The following TECPR2 variants were observed in gnomAD, a reference collection of about 807,000 sequenced individuals.
TECPR2 encodes tectonin beta-propeller repeat containing 2.
A neutral mutation model predicts 138.1 loss-of-function variants in TECPR2; 65 were observed. That is an observed-to-expected ratio of 0.47 (90% CI 0.39 to 0.58). The LOEUF (loss-of-function observed/expected upper bound fraction) is 0.58. Among genes scored for constraint, TECPR2 ranks in the 20% least tolerant of loss-of-function variants. The pLI, the probability that TECPR2 is intolerant of heterozygous loss-of-function variation, is 0.00. For synonymous variants in TECPR2, 746 were observed against 749.8 expected (o/e 0.99, Z 0.08); for missense variants, 1,553 against 1,824.5 (o/e 0.85, Z 2.71).
chr14:102,381,074 C>T (rs1887800831), intron 2 of TECPR2, among the ~76,000 whole-genome samples: 1 of 151,806 alleles, frequency 6.6e-6, no homozygotes, highest in South Asian at 2.1e-4. Context: ...GATTCTCCTG[C>T]CTCAGCCTCC....
chr14:102,448,840 C>T (rs1890059696), intron 13 of TECPR2, among the ~76,000 whole-genome samples: 1 of 152,064 alleles, frequency 6.6e-6, no homozygotes, highest in East Asian at 1.9e-4. Flanking sequence ...GCACTCCAGC[C>T]TGGGTGGCAG....
At chr14:102,383,588 A>G (rs1166258757) in intron 2 of TECPR2, among the ~76,000 whole-genome samples, 1 of 151,676 alleles carries the variant, frequency 6.6e-6, no homozygotes, top group Non-Finnish European at 1.5e-5. Context: ...TTGTATTTTT[A>G]GTAGAGACAG....
chr14:102,469,009 C>T (rs549969017), intron 17 of TECPR2, among the ~76,000 whole-genome samples: 25 of 152,204 alleles, frequency 1.6e-4, no homozygotes, highest in Middle Eastern at 6.8e-3. Context: ...TTAGCTTTGT[C>T]GTAAATTTTG....
intron 17 of TECPR2, among the ~76,000 whole-genome samples, chr14:102,479,810 T>C (rs1023484520): frequency 4.6e-5 from 7 of 152,214 alleles, no homozygotes. Context: ...CTTGTATGCA[T>C]GATACTGCAA....
intron 15 of TECPR2, 79 bp from the exon 16 acceptor site, chr14:102,452,315 C>A: frequency 6.9e-7 from 1 of 1,445,706 alleles, no homozygotes. Context: ...TGCTGAAAGG[C>A]AAAGGCTGCC....
intron 4 of TECPR2, among the ~76,000 whole-genome samples, chr14:102,413,152 G>T (rs1254439926): frequency 6.6e-6 from 1 of 151,964 alleles, no homozygotes; most frequent in Non-Finnish European, 1.5e-5. Context: ...TGATTTTGGT[G>T]TTGGTTACAT....
At chr14:102,442,257 G>A (rs1253071672) in intron 11 of TECPR2, among the ~76,000 whole-genome samples, 4 of 152,202 alleles carry the variant, frequency 2.6e-5, no homozygotes, top group African/African-American at 7.2e-5. Context: ...CATTATAGGC[G>A]TGAGCCACCG....
intron 16 of TECPR2, among the ~76,000 whole-genome samples, chr14:102,456,590 C>CTTTT (rs532308547): frequency 7.2e-6 from 1 of 138,168 alleles, no homozygotes; most frequent in African/African-American, 2.7e-5. Context: ...CCCTCTCGCT[C>CTTTT]TTTTTTTTTT....
chr14:102,498,874 A>ACACCT lies in TECPR2; in HGVS notation c.*626_*630dup. ...GCACATGCACACCACAACACACAAC[A>ACACCT]CACCTCACCTCACACCACAGCACAC... On this transcript the variant is annotated 3_prime_UTR_variant, in exon 20 of 20. Transcript: ENST00000359520. 1 of 663,566 alleles carries ACACCT rather than the reference A, an allele frequency of 1.5e-6. No individual in the cohort carries two copies. Among genetic ancestry groups the ACACCT allele is most frequent in the South Asian group, 1.5e-5 (1 of 66,278 alleles). The allele number at this position is 663,566 out of a possible 1,614,324, so 41.1% of individuals were successfully genotyped here.
rs1199718437 is a variant in TECPR2 at position 102,419,995 on chromosome 14, T to C, written c.639-4984T>C. On this transcript the variant is annotated intron_variant, in intron 5 of 19. Transcript: ENST00000359520. The surrounding 1 kb of genome is among the most constrained non-coding windows in gnomAD (Gnocchi z 4.8). ...TTGGATGGCCAGTGGGTGTTAGCTG[T>C]TGAGATCTCTGGCAGGGCTTCTGTG... Among the ~76,000 whole-genome samples the C allele has an allele frequency of 6.6e-6, 1 of 152,172 alleles. No individual in the cohort carries two copies. The highest frequency in any genetic ancestry group is 2.4e-5 in the African/African-American group (1 of 41,440).
chr14:102,407,327 C>A lies in TECPR2; in HGVS notation c.220-11C>A. On this transcript the variant is annotated splice_polypyrimidine_tract_variant and intron_variant, in intron 2 of 19. Coordinates refer to ENST00000359520, the MANE Select transcript of TECPR2 (RefSeq NM_014844.5). ...TAGTTACAGATTCATTTGTTTTCAA[C>A]GTTTCCCCAGGGGAAGACGGAATCT... 1 of 1,586,400 alleles carries A rather than the reference C, an allele frequency of 6.3e-7. No homozygotes were observed. The highest frequency in any genetic ancestry group is 8.6e-7 in the Non-Finnish European group (1 of 1,169,054).
Position 102,425,261 on chromosome 14 carries a change from T to C in TECPR2, c.921T>C (p.Tyr307=). 1.2e-6 allele frequency: 2 copies of C among 1,608,468 alleles called. No homozygotes were observed. The highest frequency in any genetic ancestry group is 1.7e-6 in the Non-Finnish European group (2 of 1,176,612). ...GCTGGGTGCTGAGTTGGAATGAATA[T>C]AGTATCTATCTCCTAGACACAGTCA... The part of the protein sequence containing the change: ...QEGWVLSWNE[Y]SIYLLDTVNQ... The change falls in exon 6 of 20, where the codon TAT becomes TAC. Residue 307 remains tyrosine, a synonymous_variant. Coordinates refer to ENST00000359520, the MANE Select transcript of TECPR2 (RefSeq NM_014844.5).
intron 1 of TECPR2, among the ~76,000 whole-genome samples, chr14:102,364,518 A>G (rs1232965713): frequency 1.3e-5 from 2 of 152,194 alleles, no homozygotes; most frequent in Non-Finnish European, 2.9e-5. Flanking sequence ...GTGCAGGTGT[A>G]GGGGACACAC....
At chr14:102,470,370 C>T (rs1354320187) in intron 17 of TECPR2, among the ~76,000 whole-genome samples, 3 of 151,258 alleles carry the variant, frequency 2.0e-5, no homozygotes, top group Admixed American at 6.6e-5. Flanking sequence ...GATGTTGGCG[C>T]GATCTCGGCC....
chr14:102,363,088 C>A lies in TECPR2; in HGVS notation c.-101C>A. On this transcript the variant is annotated 5_prime_UTR_variant, in exon 1 of 20. Coordinates refer to ENST00000359520, the MANE Select transcript of TECPR2 (RefSeq NM_014844.5). ...CCCGCCTCCTCCGGCCCGGCGGGGCCGACGAGTCCGGAGGGGCTGCCGCGG... is the reference window on the plus strand; with the variant it reads ...CCCGCCTCCTCCGGCCCGGCGGGGCAGACGAGTCCGGAGGGGCTGCCGCGG... 2.1e-6 allele frequency: 1 copy of A among 475,556 alleles called. No homozygotes were observed. The allele number at this position is 475,556 out of a possible 1,614,324, so 29.5% of individuals were successfully genotyped here. A position where few individuals can be genotyped will look rare whatever the true frequency, so the allele number is the denominator to read the frequency against.
chr14:102,407,511 C>T, intron 3 of TECPR2, 45 bp downstream of exon 3: 2 of 1,538,852 alleles, frequency 1.3e-6, no homozygotes, highest in Non-Finnish European at 1.7e-6. Context: ...TTGGCACATT[C>T]CTCATGGATT....
chr14:102,433,674 C>A (rs987324394), intron 8 of TECPR2, among the ~76,000 whole-genome samples: 1 of 152,026 alleles, frequency 6.6e-6, no homozygotes, highest in African/African-American at 2.4e-5. Flanking sequence ...GTGCCCACTA[C>A]CACGCCCAGC....
rs1356713014 is a variant in TECPR2 at position 102,391,986 on chromosome 14, TG to T, written c.219+15047del. ...GAAACCCCTTTTTTTGTTTGTTTTT[TG>T]TTTTGTTTTGTTTTGTTTTAGACAG... On this transcript the variant is annotated intron_variant, in intron 2 of 19. Transcript: ENST00000359520. 7.2e-5 allele frequency among the ~76,000 whole-genome samples: 11 copies of T among 152,264 alleles called. No individual in the cohort carries two copies. The East Asian group carries it at 2.1e-3, about 29-fold the overall frequency.
At chr14:102,492,390 TCTC>T (rs372097105) in intron 17 of TECPR2, among the ~76,000 whole-genome samples, 7 of 152,306 alleles carry the variant, frequency 4.6e-5, no homozygotes, top group African/African-American at 1.4e-4. Flanking sequence ...GGGCTCTCCT[TCTC>T]CTTCTTGGGC....
Sources: allele counts gnomAD v4.1 joint callset (sites outside exome capture counted in the v4.1 genomes callset), GRCh38; gene constraint gnomAD v4.1.1; non-coding constraint Gnocchi (gnomAD v3.1); transcripts MANE v1.5; gene names NCBI Gene and HGNC (gene_info 2026-07-23, HGNC 2026-07-21).